Variants in S100Z observed in about 807,000 individuals in gnomAD.
The protein encoded by S100Z is protein S100-Z.
In S100Z, 11 loss-of-function variants were observed where a neutral mutation model predicts 8.5. The ratio of observed to expected loss-of-function variants is 1.30; its 90% confidence interval spans 0.82 to 2.15. S100Z has a LOEUF of 2.15. Ranked by LOEUF, S100Z falls within the 30% of genes most tolerant of loss-of-function variation. The pLI, the probability that S100Z is intolerant of heterozygous loss-of-function variation, is 0.00. For synonymous variants in S100Z, 34 were observed against 43.8 expected (o/e 0.78, Z 0.89); for missense variants, 126 against 117.9 (o/e 1.07, Z -0.32).
rs559335153 is a variant in S100Z, at chr5:76,872,609, A to G, written c.-57+2325A>G. ...CTGGGAGGTTGAGGTGCAGTGAGCCATTACTGGGCCACTGCATTCCAGCAT... is the reference window on the plus strand; with the variant it reads ...CTGGGAGGTTGAGGTGCAGTGAGCCGTTACTGGGCCACTGCATTCCAGCAT... On this transcript the variant is annotated intron_variant, in intron 2 of 4. Coordinates refer to ENST00000317593, the MANE Select transcript of S100Z (RefSeq NM_130772.4). 1.7e-4 allele frequency among the ~76,000 whole-genome samples: 26 copies of G among 152,158 alleles called. 1 individual carries two copies. Among genetic ancestry groups the G allele is most frequent in the Admixed American group, 1.4e-3 (21 of 15,268 alleles).
At chr5:76,902,636 T>G (rs974754698) in intron 4 of S100Z, among the ~76,000 whole-genome samples, 45 of 148,998 alleles carry the variant, frequency 3.0e-4, no homozygotes, top group African/African-American at 1.1e-3. Context: ...GGGTTTTTTT[T>G]GTTTTTTTTT....
At chr5:76,886,926 C>A (rs547055802) in intron 4 of S100Z, among the ~76,000 whole-genome samples, 1 of 152,214 alleles carries the variant, frequency 6.6e-6, no homozygotes, top group East Asian at 1.9e-4. Flanking sequence ...ATTTTCACTT[C>A]TTTTGTGGAT....
intron 4 of S100Z, among the ~76,000 whole-genome samples, chr5:76,906,976 G>GTATATATATATA (rs869046562): frequency 3.2e-4 from 7 of 21,792 alleles, no homozygotes; most frequent in Non-Finnish European, 4.7e-4. Context: ...TTGTGTGTGT[G>GTATATATATATA]TATATATATA....
At chr5:76,894,478 T>C (rs1283254515) in intron 4 of S100Z, among the ~76,000 whole-genome samples, 19 of 152,170 alleles carry the variant, frequency 1.2e-4, no homozygotes, top group Admixed American at 1.2e-3. Context: ...ACTTTTTTCA[T>C]TGACAGACAT....
At chr5:76,858,374 T>A (rs1030476648) in intron 1 of S100Z, among the ~76,000 whole-genome samples, 1 of 151,936 alleles carries the variant, frequency 6.6e-6, no homozygotes, top group Non-Finnish European at 1.5e-5. Context: ...AATACAAAAT[T>A]TAGCTGAGTG....
rs1261164365 is a variant in S100Z, at chr5:76,851,927, GA to G, written c.-176+1774del. On this transcript the variant is annotated intron_variant, in intron 1 of 4. Transcript: ENST00000317593. ...AGTCACAAGCTGGCCAGCATTCGCT[GA>G]ATTTCCTGTTTGAGTTGTCCTGCAG... Among the ~76,000 whole-genome samples, 5 of 152,184 alleles carry G rather than the reference GA, an allele frequency of 3.3e-5. No individual in the cohort carries two copies. The East Asian group carries it at 9.6e-4, about 29-fold the overall frequency.
chr5:76,853,870 G>T (rs529460852), intron 1 of S100Z, among the ~76,000 whole-genome samples: 2 of 152,174 alleles, frequency 1.3e-5, no homozygotes, highest in African/African-American at 4.8e-5. Flanking sequence ...GATTATGGAG[G>T]TGTAGTTCTC....
intron 4 of S100Z, among the ~76,000 whole-genome samples, chr5:76,906,921 G>A (rs1744442229): frequency 6.7e-6 from 1 of 148,270 alleles, no homozygotes; most frequent in Admixed American, 6.8e-5. Flanking sequence ...GAAAGCCATT[G>A]CCCCCGCCAA....
intron 1 of S100Z, among the ~76,000 whole-genome samples, chr5:76,857,410 C>T (rs1750913841): frequency 6.6e-6 from 1 of 152,050 alleles, no homozygotes; most frequent in African/African-American, 2.4e-5. Flanking sequence ...TCAAGTGATA[C>T]CCGTGCTTCC....
At chr5:76,901,596 G>T (rs1479084763) in intron 4 of S100Z, among the ~76,000 whole-genome samples, 1 of 151,386 alleles carries the variant, frequency 6.6e-6, no homozygotes, top group Non-Finnish European at 1.5e-5. Context: ...ATGCTGCCTG[G>T]CCTGGGTCTC....
chr5:76,881,461 G>A (rs1743399647), intron 4 of S100Z, among the ~76,000 whole-genome samples: 2 of 152,194 alleles, frequency 1.3e-5, no homozygotes, highest in Admixed American at 1.3e-4. Flanking sequence ...CGAGCTTGAT[G>A]TGTAGGGAAG....
chr5:76,907,922 A>G (rs1744512959), intron 4 of S100Z, among the ~76,000 whole-genome samples: 1 of 152,156 alleles, frequency 6.6e-6, no homozygotes, highest in African/African-American at 2.4e-5. Flanking sequence ...TGAGCCCAGG[A>G]GTTTGAGACC....
At chr5:76,952,810 T>G in the S100Z span, 1 of 323,564 alleles carries the variant, frequency 3.1e-6, no homozygotes. Context: ...ATTCTTTGTC[T>G]CCGCCTCATT....
intron 1 of S100Z, among the ~76,000 whole-genome samples, chr5:76,867,887 C>T (rs1022896950): frequency 3.3e-5 from 5 of 152,146 alleles, no homozygotes; most frequent in Admixed American, 6.5e-5. Context: ...CGGCCACAGT[C>T]ATTACCTTTA....
intron 1 of S100Z, among the ~76,000 whole-genome samples, chr5:76,864,823 C>T (rs549259807): frequency 6.0e-4 from 91 of 152,264 alleles, no homozygotes; most frequent in African/African-American, 2.1e-3. Context: ...ATTCTTCTGC[C>T]TCAGCCTCCC....
chr5:76,922,619 G>A (rs1053708699), downstream of S100Z, among the ~76,000 whole-genome samples: 1 of 152,184 alleles, frequency 6.6e-6, no homozygotes, highest in African/African-American at 2.4e-5. Context: ...CGCCTCCTGG[G>A]TTCATGCCAT....
intron 4 of S100Z, among the ~76,000 whole-genome samples, chr5:76,908,849 TAGGACTCTAAC>T (rs1744547242): frequency 6.6e-6 from 1 of 152,160 alleles, no homozygotes; most frequent in Non-Finnish European, 1.5e-5. Flanking sequence ...GGAGAATGCT[TAGGACTCTAAC>T]AGGTTTTCGA....
intron 4 of S100Z, among the ~76,000 whole-genome samples, chr5:76,892,355 TG>T (rs1266978133): frequency 2.0e-5 from 3 of 152,084 alleles, no homozygotes; most frequent in Non-Finnish European, 4.4e-5. Flanking sequence ...ACAGGAAAAG[TG>T]GGGGCACTTC....
chr5:76,949,481 T>C, the S100Z span, among the ~76,000 whole-genome samples: 8 of 152,206 alleles, frequency 5.3e-5, no homozygotes, highest in Non-Finnish European at 7.3e-5. Flanking sequence ...TCCAAAAGAA[T>C]TGAAATCAGT....
Sources: allele counts gnomAD v4.1 joint callset (sites outside exome capture counted in the v4.1 genomes callset), GRCh38; gene constraint gnomAD v4.1.1; transcripts MANE v1.5; gene names NCBI Gene and HGNC (gene_info 2026-07-23, HGNC 2026-07-21).